MTSS1: variants seen among roughly 807,000 people sequenced by gnomAD.
MTSS1 encodes MTSS I-BAR domain containing 1, also known as protein MTSS 1.
MTSS1 carries 18 observed loss-of-function variants against 79.0 expected under a neutral mutation model. That is an observed-to-expected ratio of 0.23 (90% CI 0.16 to 0.34). The LOEUF is 0.34. MTSS1 is among the 10% of genes least tolerant of loss of function. The probability of loss-of-function intolerance (pLI) is 1.00; values close to 1 mark genes in which losing one functional copy is unlikely to be tolerated. For missense variants in MTSS1, 815 were observed against 986.2 expected, an observed-to-expected ratio of 0.83 and a Z score of 2.33; for synonymous variants, 341 against 368.6, an observed-to-expected ratio of 0.93 and a Z score of 0.86.
intron 7 of MTSS1, 57 bp from the exon 8 acceptor site, chr8:124,567,235 C>G: frequency 1.4e-6 from 2 of 1,383,816 alleles, no homozygotes; most frequent in Admixed American, 3.4e-5. Flanking sequence ...CTTCATCGCT[C>G]TAGTCCAATT....
chr8:124,682,289 G>A (rs1397786473), intron 3 of MTSS1, among the ~76,000 whole-genome samples: 6 of 152,306 alleles, frequency 3.9e-5, no homozygotes, highest in South Asian at 2.1e-4. Context: ...CCCCATCTTC[G>A]GCAGCCTCCC....
intron 1 of MTSS1, among the ~76,000 whole-genome samples, chr8:124,713,022 C>G (rs1831395653): frequency 1.3e-5 from 2 of 152,202 alleles, no homozygotes; most frequent in African/African-American, 2.4e-5. Flanking sequence ...AAGTCATTTT[C>G]TTAAGTTTTC....
intron 6 of MTSS1, among the ~76,000 whole-genome samples, chr8:124,572,204 T>C (rs1023118015): frequency 6.6e-6 from 1 of 152,178 alleles, no homozygotes; most frequent in African/African-American, 2.4e-5. Context: ...TTATTTTAAA[T>C]GTGTATTATA....
chr8:124,557,572 AGT>A, intron 11 of MTSS1, 107 bp downstream of exon 11: 1 of 1,118,662 alleles, frequency 8.9e-7, no homozygotes, highest in South Asian at 1.7e-5. Context: ...AAGAAGGCAG[AGT>A]GTGAAAGGAA....
At chr8:124,719,742 A>G (rs915852800) in intron 1 of MTSS1, among the ~76,000 whole-genome samples, 1 of 152,250 alleles carries the variant, frequency 6.6e-6, no homozygotes, top group Non-Finnish European at 1.5e-5. Flanking sequence ...TCTTTGAAAC[A>G]TCTGAGTGCC....
chr8:124,567,105 A>G lies in MTSS1; in HGVS notation c.692T>C (p.Met231Thr). The change falls in exon 8 of 14, where the codon ATG becomes ACG. Residue 231 changes from methionine (M) to threonine (T), a missense_variant. Coordinates refer to ENST00000518547, the MANE Select transcript of MTSS1 (RefSeq NM_014751.6). The part of the protein sequence containing the change: ...TISEDLKSLT[M>T]DPHKLPSSSE... ...TGAGGAGGGCAGTTTGTGAGGGTCC[A>G]TGGTCAGGCTTTTTAGATCTTCCGA... The G allele has an allele frequency of 6.2e-7, 1 of 1,614,132 alleles. No individual in the cohort carries two copies.
At chr8:124,585,761 C>T (rs926254908) in intron 5 of MTSS1, among the ~76,000 whole-genome samples, 4 of 151,912 alleles carry the variant, frequency 2.6e-5, no homozygotes, top group African/African-American at 9.7e-5. Flanking sequence ...CTCAAGTATC[C>T]GGAAAGATTT....
At chr8:124,651,146 G>C (rs915581161) in intron 3 of MTSS1, among the ~76,000 whole-genome samples, 2 of 152,052 alleles carry the variant, frequency 1.3e-5, no homozygotes, top group African/African-American at 4.8e-5. Flanking sequence ...GTGTACTGTC[G>C]TTCTTTAAAC....
intron 1 of MTSS1, among the ~76,000 whole-genome samples, chr8:124,720,566 G>T (rs746942805): frequency 6.6e-6 from 1 of 152,206 alleles, no homozygotes; most frequent in Non-Finnish European, 1.5e-5. Flanking sequence ...ACAAACAGTA[G>T]GGTTTGCAAA....
intron 3 of MTSS1, among the ~76,000 whole-genome samples, chr8:124,687,133 T>C (rs1265427055): frequency 1.3e-5 from 2 of 152,092 alleles, no homozygotes; most frequent in African/African-American, 2.4e-5. Context: ...TCCAAAACAT[T>C]TGAAAACACA....
chr8:124,585,518 G>A (rs970585228), intron 5 of MTSS1, among the ~76,000 whole-genome samples: 1 of 151,822 alleles, frequency 6.6e-6, no homozygotes, highest in African/African-American at 2.4e-5. Context: ...GAGTTCAAGC[G>A]ATTCTCCCAC....
chr8:124,568,521 T>G lies in MTSS1; in HGVS notation c.476A>C (p.Gln159Pro). Residue 159 changes from glutamine (Q) to proline (P), a missense_variant, in exon 7 of 14, where the codon CAG becomes CCG. By Grantham distance (76) the Gln-to-Pro change is moderately conservative. Coordinates refer to ENST00000518547, the MANE Select transcript of MTSS1 (RefSeq NM_014751.6). The part of the protein sequence containing the change: ...KKAKKGRGDI[Q>P]PQLDSALQDV... ...TTGGAGAGCACTGTCCAACTGAGGC[T>G]GGATATCACCTCTCCCTGCAAAAAA... is the stretch of plus-strand genomic sequence containing the variant. 1.9e-6 allele frequency: 3 copies of G among 1,614,192 alleles called. No homozygotes were observed. The highest frequency in any genetic ancestry group is 1.7e-6 in the Non-Finnish European group (2 of 1,180,030).
chr8:124,691,229 TA>T (rs1247161484), intron 3 of MTSS1, among the ~76,000 whole-genome samples: 1 of 118,474 alleles, frequency 8.4e-6, no homozygotes, highest in Non-Finnish European at 1.8e-5. Context: ...TTTAAAACAA[TA>T]TTTTTTTTAC....
intron 6 of MTSS1, chr8:124,568,783 T>C: frequency 6.9e-7 from 1 of 1,449,538 alleles, no homozygotes; most frequent in Middle Eastern, 2.3e-4. Flanking sequence ...CTGGGGCAAC[T>C]CTTCATGACT....
chr8:124,574,776 C>T (rs1828651878), intron 6 of MTSS1, among the ~76,000 whole-genome samples: 1 of 152,180 alleles, frequency 6.6e-6, no homozygotes, highest in South Asian at 2.1e-4. Context: ...GCAAAACACC[C>T]CAAGTCCTTT....
In MTSS1 at chr8:124,727,441, C is replaced by T; in HGVS notation, c.72+443G>A. ...AGTCTCCTAGGCTAGGGGACTCCTTCCTGCGAGCGGGCAGAGCCCCCACTT... is the reference window on the plus strand; with the variant it reads ...AGTCTCCTAGGCTAGGGGACTCCTTTCTGCGAGCGGGCAGAGCCCCCACTT... On this transcript the variant is annotated intron_variant, in intron 1 of 13. Coordinates refer to ENST00000518547, the MANE Select transcript of MTSS1 (RefSeq NM_014751.6). The surrounding 1 kb of genome is among the most constrained non-coding windows in gnomAD (Gnocchi z 4.7). 1 of 417,862 alleles carries T rather than the reference C, an allele frequency of 2.4e-6. No individual in the cohort carries two copies. Among genetic ancestry groups the T allele is most frequent in the Admixed American group, 2.6e-5 (1 of 38,130 alleles). 25.9% of individuals were successfully genotyped at this position (417,862 alleles called of 1,614,324 possible).
intron 3 of MTSS1, among the ~76,000 whole-genome samples, chr8:124,678,034 T>C (rs1175588611): frequency 2.6e-5 from 4 of 152,158 alleles, no homozygotes; most frequent in African/African-American, 9.7e-5. Flanking sequence ...ATATATCTTT[T>C]CCCCCAAACA....
intron 11 of MTSS1, among the ~76,000 whole-genome samples, chr8:124,557,140 A>T (rs1192317442): frequency 6.6e-6 from 1 of 152,200 alleles, no homozygotes; most frequent in African/African-American, 2.4e-5. Flanking sequence ...ATGTTTGAAC[A>T]CTCAAGACTA....
In MTSS1 at chr8:124,662,461, A is replaced by G. The variant is rs538792540; in HGVS notation, c.208+37065T>C. On this transcript the variant is annotated intron_variant, in intron 3 of 13. Transcript: ENST00000518547. Reference sequence around the variant, plus strand: ...AAGAGAGGCCTCAGTCTCTGCCACCAGGAAGCTTTTCCATCTAACACAGTG... The same window carrying G: ...AAGAGAGGCCTCAGTCTCTGCCACCGGGAAGCTTTTCCATCTAACACAGTG... 1.2e-4 allele frequency among the ~76,000 whole-genome samples: 19 copies of G among 152,304 alleles called. No individual in the cohort carries two copies. In the East Asian group the frequency reaches 3.7e-3, roughly 29 times the overall value.
Sources: gnomAD v4.1 joint callset for allele counts (sites outside exome capture counted in the v4.1 genomes callset) on GRCh38, gnomAD v4.1.1 for gene constraint, Gnocchi (gnomAD v3.1) non-coding constraint, MANE v1.5 for transcripts, NCBI Gene and HGNC (gene_info 2026-07-23, HGNC 2026-07-21) for gene names.